GADD45GIP1: variants seen among roughly 807,000 people sequenced by gnomAD.
GADD45GIP1 encodes GADD45G interacting protein 1, also known as large ribosomal subunit protein mL64.
In GADD45GIP1, 17 loss-of-function variants were observed where a neutral mutation model predicts 22.1. The observed-to-expected ratio is 0.77, with a 90% confidence interval of 0.53 to 1.15. The LOEUF (loss-of-function observed/expected upper bound fraction) is 1.15, where lower values mean the gene tolerates loss of function less well. Ranked by LOEUF, GADD45GIP1 falls within the 50% of genes most tolerant of loss-of-function variation. The pLI is 0.00. For synonymous variants in GADD45GIP1, 135 were observed against 138.4 expected, an observed-to-expected ratio of 0.98 and a Z score of 0.17; for missense variants, 294 against 314.0, an observed-to-expected ratio of 0.94 and a Z score of 0.48.
chr19:12,954,105 T>A lies in GADD45GIP1; in HGVS notation c.*103A>T. 1 of 975,216 alleles carries A rather than the reference T, an allele frequency of 1.0e-6. No individual in the cohort carries two copies. Among genetic ancestry groups the A allele is most frequent in the Non-Finnish European group, 1.6e-6 (1 of 638,342 alleles). 60.4% of individuals were successfully genotyped at this position (975,216 alleles called of 1,614,324 possible). ...TGGGGGATTCCCCAGCTCTTAAGTA[T>A]TGGGGGAGGAACCAGGGGACCCAGA... On this transcript the variant is annotated 3_prime_UTR_variant, in exon 2 of 2. Transcript: ENST00000316939.
At chr19:12,954,604 G>T in intron 1 of GADD45GIP1, 78 bp from the exon 2 acceptor site, 1 of 1,269,172 alleles carries the variant, frequency 7.9e-7, no homozygotes. Context: ...TCACCCATAG[G>T]CCTTTGCCCA....
rs1307338570 is a variant in GADD45GIP1, at chr19:12,953,694, T to TG, written c.*513dup. On this transcript the variant is annotated 3_prime_UTR_variant, in exon 2 of 2. Transcript: ENST00000316939. ...TCCCCGCGCCCACCTGTCTGGGTCT[T>TG]GGGGGGCTGGCTGGGCACAGGCAGG... is the stretch of plus-strand genomic sequence containing the variant. 6.3e-6 allele frequency: 1 copy of TG among 158,104 alleles called. No individual in the cohort carries two copies. 9.8% of individuals were successfully genotyped at this position (158,104 alleles called of 1,614,324 possible).
Position 12,956,997 on chromosome 19 carries a change from G to C in GADD45GIP1, c.216C>G (p.Pro72=), listed in dbSNP as rs200483443. The part of the protein sequence containing the change: ...ARYGAASGVV[P]GSLWPSPEQL... ...GCTCCGGCGACGGCCATAACGAACC[G>C]GGGACCACCCCGGAGGCGGCGCCGT... Residue 72 remains proline, a synonymous_variant, in exon 1 of 2, where the codon CCC becomes CCG. Transcript: ENST00000316939. 6.3e-7 allele frequency: 1 copy of C among 1,598,812 alleles called. No individual in the cohort carries two copies. Among genetic ancestry groups the C allele is most frequent in the East Asian group, 2.2e-5 (1 of 44,830 alleles).
rs933527605 is a variant in GADD45GIP1 at position 12,954,040 on chromosome 19, C to G, written c.*168G>C. 2 of 635,932 alleles carry G rather than the reference C, an allele frequency of 3.1e-6. No individual in the cohort carries two copies. The highest frequency in any genetic ancestry group is 2.9e-5 in the Admixed American group (1 of 34,122). The allele number at this position is 635,932 out of a possible 1,614,324, so 39.4% of individuals were successfully genotyped here. On this transcript the variant is annotated 3_prime_UTR_variant, in exon 2 of 2. Coordinates refer to ENST00000316939, the MANE Select transcript of GADD45GIP1 (RefSeq NM_052850.4). Reference sequence around the variant, plus strand: ...TCCCACTGAAGCCCCAGTTAGTCAGCAGGGCCTAGAGTCCCTGTCCCCTTT... The same window carrying G: ...TCCCACTGAAGCCCCAGTTAGTCAGGAGGGCCTAGAGTCCCTGTCCCCTTT...
At chr19:12,954,958 C>T (rs974051203) in intron 1 of GADD45GIP1, among the ~76,000 whole-genome samples, 2 of 152,170 alleles carry the variant, frequency 1.3e-5, no homozygotes, top group African/African-American at 4.8e-5. Flanking sequence ...GTCACAGCCC[C>T]ATTTTTTTCT....
intron 1 of GADD45GIP1, among the ~76,000 whole-genome samples, chr19:12,956,282 A>G (rs879814843): frequency 2.6e-5 from 4 of 152,194 alleles, no homozygotes; most frequent in Non-Finnish European, 5.9e-5. Flanking sequence ...CGGCCTCCCA[A>G]ATAACTGGGA....
At chr19:12,954,626 C>T (rs1971901322) in intron 1 of GADD45GIP1, 100 bp from the exon 2 acceptor site, 2 of 853,536 alleles carry the variant, frequency 2.3e-6, no homozygotes, top group Admixed American at 5.6e-5. Flanking sequence ...GAGCCTGCCT[C>T]CTCAACTCCC....
At position 12,953,324 on chromosome 19, in the gene GADD45GIP1, G is replaced by A; in HGVS notation, c.*884C>T. ...GGAGGCGACAGATGGGCCCCTCTTGGCCTCTGTCCCAGCTCTCTGCAGCCA... is the reference window on the plus strand; with the variant it reads ...GGAGGCGACAGATGGGCCCCTCTTGACCTCTGTCCCAGCTCTCTGCAGCCA... On this transcript the variant is annotated 3_prime_UTR_variant, in exon 2 of 2. Transcript: ENST00000316939. 3.5e-6 allele frequency: 1 copy of A among 282,118 alleles called. No homozygotes were observed. The highest frequency in any genetic ancestry group is 2.2e-5 in the African/African-American group (1 of 45,476). 17.5% of individuals were successfully genotyped at this position (282,118 alleles called of 1,614,324 possible).
chr19:12,954,193 G>A lies in GADD45GIP1; in HGVS notation c.*15C>T, dbSNP rs780770512. On this transcript the variant is annotated 3_prime_UTR_variant, in exon 2 of 2. Transcript: ENST00000316939. Reference sequence around the variant, plus strand: ...TACTGCCAGGTAGCAGGCTTTATTGGGAAGGGACAAAGCCTCAGGAGCTGG... The same window carrying A: ...TACTGCCAGGTAGCAGGCTTTATTGAGAAGGGACAAAGCCTCAGGAGCTGG... 1.4e-5 allele frequency: 22 copies of A among 1,605,640 alleles called. 2 individuals are homozygous for A. In the South Asian group the frequency reaches 2.1e-4, roughly 15 times the overall value.
rs370696128 is a variant in GADD45GIP1, at chr19:12,954,511, T to G, written c.366A>C (p.Ala122=). Residue 122 remains alanine, a synonymous_variant, in exon 2 of 2, where the codon GCA becomes GCC. Transcript: ENST00000316939. Reference sequence around the variant, plus strand: ...TCTGTGGCATCTTGGCCATGCACTCTGCGATGTGCTGCTCCCTGCAGGGGA... The same window carrying G: ...TCTGTGGCATCTTGGCCATGCACTCGGCGATGTGCTGCTCCCTGCAGGGGA... ...QKRREREQHI[A]ECMAKMPQMI... The G allele has an allele frequency of 1.2e-6, 2 of 1,612,870 alleles. No homozygotes were observed. Among genetic ancestry groups the G allele is most frequent in the African/African-American group, 1.3e-5 (1 of 74,914 alleles).
chr19:12,956,317 G>A (rs982600352), intron 1 of GADD45GIP1, among the ~76,000 whole-genome samples: 2 of 152,172 alleles, frequency 1.3e-5, no homozygotes, highest in Non-Finnish European at 2.9e-5. Flanking sequence ...CACCGCCCCC[G>A]GCCTGGGACA....
At chr19:12,956,527 G>C (rs746517201) in intron 1 of GADD45GIP1, among the ~76,000 whole-genome samples, 10 of 152,164 alleles carry the variant, frequency 6.6e-5, no homozygotes, top group African/African-American at 9.7e-5. Flanking sequence ...GGTGGTGCAC[G>C]CCTGTAATCC....
In GADD45GIP1 at chr19:12,954,251, G is replaced by A. The variant is rs772219178; in HGVS notation, c.626C>T (p.Ala209Val). 3.2e-5 allele frequency: 51 copies of A among 1,614,006 alleles called. No individual in the cohort carries two copies. Among genetic ancestry groups the A allele is most frequent in the Non-Finnish European group, 4.0e-5 (47 of 1,180,034 alleles). ...AGAGGCTGCTGGGTCTTGAGCCACA[G>A]CTGCAGCCAATGCAGCAGCTCGCGC... ...KEARAAALAA[A>V]VAQDPAASGA... is the part of the protein sequence containing the mutation. Residue 209 changes from alanine to valine, a missense_variant, in exon 2 of 2, where the codon GCT (alanine) becomes GTT (valine). Ala to Val is a moderately conservative substitution (Grantham distance 64). Transcript: ENST00000316939.
chr19:12,957,081 G>T lies in GADD45GIP1; in HGVS notation c.132C>A (p.Asp44Glu). Residue 44 changes from aspartate to glutamate, a missense_variant, in exon 1 of 2, where the codon GAC becomes GAA. By Grantham distance (45) the Asp-to-Glu change is conservative. Coordinates refer to ENST00000316939, the MANE Select transcript of GADD45GIP1 (RefSeq NM_052850.4). ...CCAGCTGCCACCGCGGGGTCAGGAG[G>T]TCCTCGGGGTCTGGCCACCGGGGTC... is the stretch of plus-strand genomic sequence containing the variant. ...RPGPRWPDPE[D>E]LLTPRWQLGP... The T allele has an allele frequency of 6.5e-7, 1 of 1,532,106 alleles. No homozygotes were observed. The allele number at this position is 1,532,106 out of a possible 1,614,324, so 94.9% of individuals were successfully genotyped here.
Position 12,957,186 on chromosome 19 carries a change from G to T in GADD45GIP1, c.27C>A (p.Arg9=), listed in dbSNP as rs780481952. 7.1e-7 allele frequency: 1 copy of T among 1,405,830 alleles called. No individual in the cohort carries two copies. Among genetic ancestry groups the T allele is most frequent in the Non-Finnish European group, 9.2e-7 (1 of 1,090,572 alleles). 87.1% of individuals were successfully genotyped at this position (1,405,830 alleles called of 1,614,324 possible). A position where few individuals can be genotyped will look rare whatever the true frequency, so the allele number is the denominator to read the frequency against. MAASVRQA[R]SLLGVAATLA... ...GGGTCGCCGCCACACCTAGTAGGCT[G>T]CGTGCCTGTCGCACGGACGCCGCCA... Residue 9 remains arginine, a synonymous_variant, in exon 1 of 2, where the codon CGC becomes CGA. Transcript: ENST00000316939.
At chr19:12,956,608 CTT>C (rs1971926873) in intron 1 of GADD45GIP1, among the ~76,000 whole-genome samples, 6 of 152,146 alleles carry the variant, frequency 3.9e-5, no homozygotes, top group Non-Finnish European at 8.8e-5. Context: ...GAGCCAAGAT[CTT>C]GCGACTGCAC....
intron 1 of GADD45GIP1, among the ~76,000 whole-genome samples, chr19:12,956,596 GT>G (rs1252219298): frequency 3.9e-5 from 6 of 152,228 alleles, no homozygotes; most frequent in Non-Finnish European, 8.8e-5. Flanking sequence ...GGAGGTTGCA[GT>G]GAGCCAAGAT....
intron 1 of GADD45GIP1, among the ~76,000 whole-genome samples, chr19:12,955,543 G>A (rs979527183): frequency 1.2e-4 from 18 of 152,104 alleles, no homozygotes; most frequent in Non-Finnish European, 2.4e-4. Flanking sequence ...CACGCTCCAG[G>A]ATGTGGCATT....
Position 12,954,202 on chromosome 19 carries a change from A to T in GADD45GIP1, c.*6T>A. 6.2e-7 allele frequency: 1 copy of T among 1,611,384 alleles called. No individual in the cohort carries two copies. Among genetic ancestry groups the T allele is most frequent in the Non-Finnish European group, 8.5e-7 (1 of 1,178,706 alleles). On this transcript the variant is annotated 3_prime_UTR_variant, in exon 2 of 2. Coordinates refer to ENST00000316939, the MANE Select transcript of GADD45GIP1 (RefSeq NM_052850.4). Reference sequence around the variant, plus strand: ...GTAGCAGGCTTTATTGGGAAGGGACAAAGCCTCAGGAGCTGGGTGCCCCAG... The same window carrying T: ...GTAGCAGGCTTTATTGGGAAGGGACTAAGCCTCAGGAGCTGGGTGCCCCAG...
Sources: allele counts gnomAD v4.1 joint callset (sites outside exome capture counted in the v4.1 genomes callset), GRCh38; gene constraint gnomAD v4.1.1; transcripts MANE v1.5; gene names NCBI Gene and HGNC (gene_info 2026-07-23, HGNC 2026-07-21).